PALS2: variants seen among roughly 807,000 people sequenced by gnomAD.
PALS2 encodes protein associated with LIN7 2, MAGUK p55 family member.
PALS2 carries 27 observed loss-of-function variants against 61.6 expected under a neutral mutation model. The ratio of observed to expected loss-of-function variants is 0.44; its 90% CI spans 0.32 to 0.60. The LOEUF is 0.60. PALS2 is among the 20% of genes least tolerant of loss of function. The pLI, the probability that PALS2 is intolerant of heterozygous loss-of-function variation, is 0.05. For missense variants in PALS2, 554 were observed against 639.4 expected (o/e 0.87, Z 1.44); for synonymous variants, 236 against 218.6 (o/e 1.08, Z -0.70).
At chr7:24,607,225 CTATT>C (rs1478419969) in intron 1 of PALS2, among the ~76,000 whole-genome samples, 6 of 152,040 alleles carry the variant, frequency 3.9e-5, no homozygotes, top group Non-Finnish European at 7.4e-5. Context: ...AGTTTTTACT[CTATT>C]TAATCACTCC....
intron 1 of PALS2, among the ~76,000 whole-genome samples, chr7:24,604,909 TG>T (rs1418317883): frequency 1.3e-5 from 2 of 152,166 alleles, no homozygotes; most frequent in Non-Finnish European, 2.9e-5. Context: ...GCTGGGGCCC[TG>T]GGGAGGTACA....
At chr7:24,631,764 A>G (rs553212247) in intron 2 of PALS2, among the ~76,000 whole-genome samples, 15 of 152,360 alleles carry the variant, frequency 9.8e-5, no homozygotes, top group Non-Finnish European at 1.9e-4. Context: ...GCATCAAGAC[A>G]AGACCTTACA....
At chr7:24,576,797 T>C (rs1204534071) in intron 1 of PALS2, among the ~76,000 whole-genome samples, 1 of 152,166 alleles carries the variant, frequency 6.6e-6, no homozygotes, top group Non-Finnish European at 1.5e-5. Context: ...TATAAAAAGC[T>C]TTTGGAGGAG....
rs187172032 is a variant in PALS2, at chr7:24,662,730, C to G, written c.652-860C>G. Among the ~76,000 whole-genome samples, 620 of 140,864 alleles carry G rather than the reference C, an allele frequency of 4.4e-3. 5 individuals are homozygous for G. Among genetic ancestry groups the G allele is most frequent in the African/African-American group, 0.015 (575 of 39,392 alleles). 92.4% of individuals were successfully genotyped at this position (140,864 alleles called of 152,430 possible). A position where few individuals can be genotyped will look rare whatever the true frequency, so the allele number is the denominator to read the frequency against. On this transcript the variant is annotated intron_variant, in intron 5 of 11. Transcript: ENST00000222644. ...GTTGCGGTGAGCAGAGATCACGCCA[C>G]TGCACTCCAGCCTGGGTGAAAGAGT... is the stretch of plus-strand genomic sequence containing the variant.
Position 24,687,539 on chromosome 7 carries a change from C to T in PALS2, c.1548C>T (p.Ala516=), listed in dbSNP as rs1788269962. 1 of 1,612,994 alleles carries T rather than the reference C, an allele frequency of 6.2e-7. No individual in the cohort carries two copies. Residue 516 remains alanine, a synonymous_variant, in exon 12 of 12, where the codon GCC becomes GCT. Coordinates refer to ENST00000222644, the MANE Select transcript of PALS2 (RefSeq NM_001303037.2). The surrounding 1 kb of genome is among the most constrained non-coding windows in gnomAD (Gnocchi z 4.5). ...LIIINDNLDK[A]FEKLQTAIEK... ...TCATAAATGATAATCTAGACAAAGC[C>T]TTTGAAAAACTGCAAACTGCCATAG...
At chr7:24,654,577 C>T (rs1786321040) in intron 5 of PALS2, among the ~76,000 whole-genome samples, 1 of 151,856 alleles carries the variant, frequency 6.6e-6, no homozygotes, top group South Asian at 2.1e-4. Context: ...AATTCAAGAC[C>T]TCTACACAAA....
Position 24,641,699 on chromosome 7 carries a change from T to C in PALS2, c.118-17T>C, listed in dbSNP as rs774587822. 1.9e-6 allele frequency: 3 copies of C among 1,572,034 alleles called. No homozygotes were observed. The Admixed American group carries it at 5.8e-5, about 30-fold the overall frequency. On this transcript the variant is annotated splice_polypyrimidine_tract_variant and intron_variant, in intron 2 of 11. Transcript: ENST00000222644. ...ACAAATAAGTATTACTACTTTAATATACTCTTATTTTTTCAGGCTCATGAG... is the reference window on the plus strand; with the variant it reads ...ACAAATAAGTATTACTACTTTAATACACTCTTATTTTTTCAGGCTCATGAG...
rs143108113 is a variant in PALS2 at position 24,645,518 on chromosome 7, A to T, written c.270+3650A>T. Among the ~76,000 whole-genome samples the T allele has an allele frequency of 9.7e-3, 1,481 of 152,208 alleles. 18 individuals are homozygous for T. Among genetic ancestry groups the T allele is most frequent in the Middle Eastern group, 0.058 (17 of 294 alleles). On this transcript the variant is annotated intron_variant, in intron 3 of 11. Transcript: ENST00000222644. ...AGTATCATGCTGTTTTGGTTACTGTAGCCTTGTAGTATAGTTTGAAGTTGG... is the reference window on the plus strand; with the variant it reads ...AGTATCATGCTGTTTTGGTTACTGTTGCCTTGTAGTATAGTTTGAAGTTGG...
intron 2 of PALS2, among the ~76,000 whole-genome samples, chr7:24,639,023 GAGTGGTATTCTGAACCATAGA>G (rs1440738334): frequency 1.3e-5 from 2 of 152,172 alleles, no homozygotes; most frequent in African/African-American, 4.8e-5. Flanking sequence ...TCAAAGGGAC[GAGTGGTATTCTGAACCATAGA>G]AGTATAAAAT....
intron 2 of PALS2, among the ~76,000 whole-genome samples, chr7:24,638,850 T>C (rs2128069004): frequency 6.6e-6 from 1 of 152,328 alleles, no homozygotes; most frequent in African/African-American, 2.4e-5. Flanking sequence ...TACTAAGGAA[T>C]GGAGTTTTCA....
intron 2 of PALS2, among the ~76,000 whole-genome samples, chr7:24,637,612 G>T (rs1204060263): frequency 6.6e-6 from 1 of 152,042 alleles, no homozygotes; most frequent in Non-Finnish European, 1.5e-5. Context: ...TATGGTCCTT[G>T]TGTTTTAGAA....
rs372142242 is a variant in PALS2 at position 24,673,861 on chromosome 7, T to C, written c.1114+5201T>C. ...CTCTCTGTTTTTTTAGATAGGAAATTAGATTATTGATTTGAGATCTTTTTT... is the reference window on the plus strand; with the variant it reads ...CTCTCTGTTTTTTTAGATAGGAAATCAGATTATTGATTTGAGATCTTTTTT... On this transcript the variant is annotated intron_variant, in intron 9 of 11. Coordinates refer to ENST00000222644, the MANE Select transcript of PALS2 (RefSeq NM_001303037.2). Among the ~76,000 whole-genome samples, 15 of 152,174 alleles carry C rather than the reference T, an allele frequency of 9.9e-5. 1 individual carries two copies. The highest frequency in any genetic ancestry group is 7.2e-4 in the Admixed American group (11 of 15,278).
At chr7:24,630,499 A>C (rs1222771985) in intron 2 of PALS2, among the ~76,000 whole-genome samples, 1 of 146,934 alleles carries the variant, frequency 6.8e-6, no homozygotes, top group Non-Finnish European at 1.6e-5. Context: ...TTTTAAAAAA[A>C]AGAAGAAGAA....
At chr7:24,612,094 A>AT (rs1235009624) in intron 1 of PALS2, among the ~76,000 whole-genome samples, 5 of 151,840 alleles carry the variant, frequency 3.3e-5, no homozygotes, top group African/African-American at 1.2e-4. Flanking sequence ...ACTTTTGAAT[A>AT]TTTTTGTACA....
At chr7:24,669,440 T>C (rs1361218295) in intron 9 of PALS2, among the ~76,000 whole-genome samples, 1 of 152,208 alleles carries the variant, frequency 6.6e-6, no homozygotes, top group African/African-American at 2.4e-5. Flanking sequence ...GTTTTTGAAA[T>C]ACGTGGATCT....
At position 24,573,467 on chromosome 7, in the gene PALS2, A is replaced by C. The variant is rs1782523240; in HGVS notation, c.-129A>C. ...AGTGAGAGACGCATTTCCAGTTCTCAACTACGAGCCACGAGTTTGCAGATG... is the reference window on the plus strand; with the variant it reads ...AGTGAGAGACGCATTTCCAGTTCTCCACTACGAGCCACGAGTTTGCAGATG... On this transcript the variant is annotated 5_prime_UTR_variant, in exon 1 of 12. Transcript: ENST00000222644. This position sits in a 1 kb window ranked among gnomAD's most constrained non-coding sequence, Gnocchi z 5.3. 2.6e-6 allele frequency: 1 copy of C among 380,398 alleles called. No individual in the cohort carries two copies. Among genetic ancestry groups the C allele is most frequent in the Non-Finnish European group, 4.6e-6 (1 of 215,134 alleles). The allele number at this position is 380,398 out of a possible 1,614,324, so 23.6% of individuals were successfully genotyped here. A position where few individuals can be genotyped will look rare whatever the true frequency, so the allele number is the denominator to read the frequency against.
chr7:24,640,217 C>T (rs534329564), intron 2 of PALS2, among the ~76,000 whole-genome samples: 1 of 151,196 alleles, frequency 6.6e-6, no homozygotes, highest in Admixed American at 6.6e-5. Flanking sequence ...TCTTCTTTCT[C>T]GGTATTTCAT....
chr7:24,628,575 G>T (rs144939176), intron 2 of PALS2, among the ~76,000 whole-genome samples: 59 of 152,242 alleles, frequency 3.9e-4, no homozygotes, highest in African/African-American at 1.2e-3. Context: ...TCTTTTTGCA[G>T]ATGACATATT....
At chr7:24,597,437 G>A (rs12700538) in intron 1 of PALS2, among the ~76,000 whole-genome samples, 21,330 of 152,084 alleles carry the variant, frequency 0.14, 1,971 homozygotes, top group East Asian at 0.47. Flanking sequence ...GAAAGATAAC[G>A]CATAATACAG....
Sources: allele counts gnomAD v4.1 joint callset (sites outside exome capture counted in the v4.1 genomes callset), GRCh38; gene constraint gnomAD v4.1.1; non-coding constraint Gnocchi (gnomAD v3.1); transcripts MANE v1.5; gene names NCBI Gene and HGNC (gene_info 2026-07-23, HGNC 2026-07-21).